The following RARB variants were observed in gnomAD, a reference collection of about 807,000 sequenced individuals.
The protein encoded by RARB is retinoic acid receptor beta, also known as HBV-activated protein.
RARB carries 17 observed loss-of-function variants against 51.9 expected under a neutral mutation model. The ratio of observed to expected loss-of-function variants is 0.33; its 90% CI spans 0.22 to 0.49. RARB has a LOEUF of 0.49. Ranked by LOEUF, RARB falls within the 20% of genes least tolerant of loss-of-function variation. The pLI, the probability that RARB is intolerant of heterozygous loss-of-function variation, is 0.99. For missense variants in RARB, 369 were observed against 550.8 expected, an observed-to-expected ratio of 0.67 and a Z score of 3.30; for synonymous variants, 215 against 195.4, an observed-to-expected ratio of 1.10 and a Z score of -0.84.
chr3:25,446,620 G>A (rs193123970), intron 1 of RARB, among the ~76,000 whole-genome samples: 1 of 151,962 alleles, frequency 6.6e-6, no homozygotes, highest in Non-Finnish European at 1.5e-5. Context: ...TGGCGAACAC[G>A]GTGAAACCCC....
intron 3 of RARB, among the ~76,000 whole-genome samples, chr3:25,118,858 TA>T (rs1049859208): frequency 1.3e-5 from 2 of 152,124 alleles, no homozygotes; most frequent in Non-Finnish European, 2.9e-5. Flanking sequence ...TTTCCCGTTT[TA>T]AGGTATAACT....
chr3:25,071,377 A>G (rs1353398350), intron 3 of RARB, among the ~76,000 whole-genome samples: 2 of 152,158 alleles, frequency 1.3e-5, no homozygotes, highest in Admixed American at 6.5e-5. Flanking sequence ...TTAATCTGAG[A>G]CTTTGCAGAA....
rs186740096 is a variant in RARB, at chr3:24,930,538, C to T, written c.-380+71786C>T. Reference sequence around the variant, plus strand: ...TTATAGCAGGTGCTTCCTTACCTCTCCTTCAACGTTTTATCCCCAATGCCT... The same window carrying T: ...TTATAGCAGGTGCTTCCTTACCTCTTCTTCAACGTTTTATCCCCAATGCCT... On this transcript the variant is annotated intron_variant, in intron 2 of 11. Transcript: ENST00000383772. Among the ~76,000 whole-genome samples, 448 of 152,222 alleles carry T rather than the reference C, an allele frequency of 2.9e-3. 3 individuals are homozygous for T. Among genetic ancestry groups the T allele is most frequent in the African/African-American group, 0.01 (430 of 41,540 alleles).
intron 5 of RARB, among the ~76,000 whole-genome samples, chr3:25,382,290 A>G (rs9839284): frequency 0.44 from 66,667 of 152,106 alleles, 14,927 homozygotes; most frequent in East Asian, 0.74. Flanking sequence ...TAAATGTTCA[A>G]TGACCTGTGT....
chr3:25,477,620 C>T (rs1029063191), intron 2 of RARB, among the ~76,000 whole-genome samples: 3 of 152,102 alleles, frequency 2.0e-5, no homozygotes, highest in Non-Finnish European at 4.4e-5. Flanking sequence ...TATAACAGCT[C>T]TATTATGTAA....
chr3:24,847,321 T>C (rs769952430), intron 1 of RARB, among the ~76,000 whole-genome samples: 25 of 152,320 alleles, frequency 1.6e-4, no homozygotes, highest in Non-Finnish European at 3.2e-4. Flanking sequence ...TGTCTCCTGG[T>C]CTTGTTTCCG....
chr3:24,930,523 T>C (rs1695416375), intron 2 of RARB, among the ~76,000 whole-genome samples: 1 of 152,068 alleles, frequency 6.6e-6, no homozygotes. Context: ...TTATAGCAGG[T>C]GCTTCCTTAC....
chr3:24,964,414 T>A (rs1696210699), intron 2 of RARB, among the ~76,000 whole-genome samples: 1 of 152,212 alleles, frequency 6.6e-6, no homozygotes, highest in Non-Finnish European at 1.5e-5. Context: ...GGTATTGGCC[T>A]CTAGCATAAA....
chr3:25,597,468 G>A lies in RARB; in HGVS notation c.*852G>A, dbSNP rs1216995970. The A allele has an allele frequency of 1.3e-5, 2 of 152,422 alleles. No individual in the cohort carries two copies. Among genetic ancestry groups the A allele is most frequent in the Admixed American group, 6.5e-5 (1 of 15,274 alleles). The allele number at this position is 152,422 out of a possible 1,614,324, so 9.4% of individuals were successfully genotyped here. A position where few individuals can be genotyped will look rare whatever the true frequency, so the allele number is the denominator to read the frequency against. On this transcript the variant is annotated 3_prime_UTR_variant, in exon 8 of 8. Coordinates refer to ENST00000330688, the MANE Select transcript of RARB (RefSeq NM_000965.5). ...GCCTCCAAGGCAGAAACACTTTTCA[G>A]TGTTAAGTTTTTGTTTACTTGTTCA...
chr3:25,252,422 T>C (rs369762148), intron 5 of RARB, among the ~76,000 whole-genome samples: 16 of 152,334 alleles, frequency 1.1e-4, no homozygotes, highest in African/African-American at 3.6e-4. Flanking sequence ...GTATTGAATC[T>C]GTAGATCAAT....
At chr3:25,582,678 C>CGTG (rs1701225900) in intron 5 of RARB, among the ~76,000 whole-genome samples, 1 of 152,056 alleles carries the variant, frequency 6.6e-6, no homozygotes, top group African/African-American at 2.4e-5. Flanking sequence ...TTCCTGCCTC[C>CGTG]AGCACCTCTC....
rs560738786 is a variant in RARB at position 25,334,411 on chromosome 3, G to C, written c.179-126782G>C. 2.6e-5 allele frequency among the ~76,000 whole-genome samples: 4 copies of C among 152,188 alleles called. No individual in the cohort carries two copies. The South Asian group carries it at 8.3e-4, about 32-fold the overall frequency. The stretch of plus-strand genomic sequence containing the variant: ...GGATGAAGTAGGAAACCATCATTCT[G>C]AGCAAACTATTGCAAGGACAGAAAA... On this transcript the variant is annotated intron_variant, in intron 5 of 11. Coordinates refer to the RARB transcript ENST00000383772.
chr3:25,213,710 C>T (rs1337943756), intron 5 of RARB, among the ~76,000 whole-genome samples: 1 of 152,180 alleles, frequency 6.6e-6, no homozygotes, highest in Non-Finnish European at 1.5e-5. Flanking sequence ...ATACTGATGG[C>T]AACGGCAATG....
At chr3:25,252,882 C>A (rs6767099) in intron 5 of RARB, among the ~76,000 whole-genome samples, 2,901 of 152,236 alleles carry the variant, frequency 0.019, 88 homozygotes, top group African/African-American at 0.066. Context: ...TTATCTGGCA[C>A]CGTGGCTTTT....
intron 2 of RARB, among the ~76,000 whole-genome samples, chr3:25,021,560 T>C (rs1024273469): frequency 1.2e-4 from 18 of 152,212 alleles, no homozygotes; most frequent in African/African-American, 4.3e-4. Context: ...GAAGACTTAG[T>C]AATGGGCTTA....
At chr3:25,123,688 C>A (rs1201796344) in intron 3 of RARB, among the ~76,000 whole-genome samples, 1 of 152,194 alleles carries the variant, frequency 6.6e-6, no homozygotes, top group Non-Finnish European at 1.5e-5. Flanking sequence ...TCATGAAAAG[C>A]AGCAGCAAGG....
chr3:25,100,371 G>A (rs1201725989), intron 3 of RARB, among the ~76,000 whole-genome samples: 1 of 152,164 alleles, frequency 6.6e-6, no homozygotes, highest in Non-Finnish European at 1.5e-5. Context: ...CCAGCATGCA[G>A]AGACCAGGAA....
chr3:24,980,054 C>G (rs1446571652), intron 2 of RARB, among the ~76,000 whole-genome samples: 2 of 152,138 alleles, frequency 1.3e-5, no homozygotes, highest in Non-Finnish European at 2.9e-5. Context: ...ATATGAAATT[C>G]TAGGTTGAAA....
intron 3 of RARB, among the ~76,000 whole-genome samples, chr3:25,511,282 G>A (rs957659014): frequency 3.3e-5 from 5 of 152,010 alleles, no homozygotes; most frequent in Non-Finnish European, 4.4e-5. Flanking sequence ...ACAGGCGCCC[G>A]CCACCACGCT....
Sources: allele counts gnomAD v4.1 joint callset (sites outside exome capture counted in the v4.1 genomes callset), GRCh38; gene constraint gnomAD v4.1.1; transcripts MANE v1.5; gene names NCBI Gene and HGNC (gene_info 2026-07-23, HGNC 2026-07-21).